Variants in PIK3CA observed in about 807,000 individuals in gnomAD.
The protein encoded by PIK3CA is phosphatidylinositol 4,5-bisphosphate 3-kinase catalytic subunit alpha isoform.
A neutral mutation model predicts 138.2 loss-of-function variants in PIK3CA; 27 were observed. That is an observed-to-expected ratio of 0.20 (90% CI 0.14 to 0.27). PIK3CA has a LOEUF of 0.27. Ranked by LOEUF, PIK3CA falls within the 10% of genes least tolerant of loss-of-function variation. PIK3CA has a pLI of 1.00. For missense variants in PIK3CA, 544 were observed against 1,277.4 expected, an observed-to-expected ratio of 0.43 and a Z score of 8.75; for synonymous variants, 358 against 413.2, an observed-to-expected ratio of 0.87 and a Z score of 1.62.
chr3:179,233,644 A>G (rs980560049), intron 20 of PIK3CA, among the ~76,000 whole-genome samples: 17 of 152,296 alleles, frequency 1.1e-4, no homozygotes, highest in Non-Finnish European at 1.9e-4. Context: ...CTTTGAGGAA[A>G]GTCAGTCAAC....
chr3:179,158,128 G>A (rs1383713898), intron 1 of PIK3CA, among the ~76,000 whole-genome samples: 2 of 152,080 alleles, frequency 1.3e-5, no homozygotes, highest in Non-Finnish European at 2.9e-5. Context: ...CCGATTTCTG[G>A]ATAGTGGGCA....
At chr3:179,171,162 T>C (rs1024023053) in intron 1 of PIK3CA, among the ~76,000 whole-genome samples, 1 of 152,110 alleles carries the variant, frequency 6.6e-6, no homozygotes, top group Non-Finnish European at 1.5e-5. Context: ...AATCCCCAAA[T>C]ATGTGCAAAT....
intron 1 of PIK3CA, among the ~76,000 whole-genome samples, chr3:179,151,425 T>C (rs1037522755): frequency 6.6e-6 from 1 of 152,178 alleles, no homozygotes; most frequent in Non-Finnish European, 1.5e-5. Context: ...ATATTTGCAG[T>C]AATATCTTTA....
chr3:179,149,167 C>G (rs1045009636), intron 1 of PIK3CA, among the ~76,000 whole-genome samples: 1 of 152,230 alleles, frequency 6.6e-6, no homozygotes, highest in Non-Finnish European at 1.5e-5. Context: ...CGCCAGCTCC[C>G]CTCCCACCCT....
chr3:179,228,471 G>T (rs1466694236), intron 17 of PIK3CA, among the ~76,000 whole-genome samples: 1 of 151,886 alleles, frequency 6.6e-6, no homozygotes, highest in African/African-American at 2.4e-5. Context: ...TATCTTGTCA[G>T]GTTTTAGAAT....
At chr3:179,213,037 C>T (rs1724755121) in intron 9 of PIK3CA, among the ~76,000 whole-genome samples, 1 of 152,014 alleles carries the variant, frequency 6.6e-6, no homozygotes, top group African/African-American at 2.4e-5. Context: ...CAAGGGTCAG[C>T]TGTATAAATC....
intron 1 of PIK3CA, among the ~76,000 whole-genome samples, chr3:179,180,511 G>A (rs192492161): frequency 7.0e-4 from 107 of 152,118 alleles, no homozygotes; most frequent in Middle Eastern, 3.4e-3. Flanking sequence ...GATCAGTCCT[G>A]CATATGAGAA....
intron 9 of PIK3CA, among the ~76,000 whole-genome samples, chr3:179,216,712 A>G (rs1185671368): frequency 2.6e-5 from 4 of 152,304 alleles, no homozygotes; most frequent in East Asian, 1.9e-4. Flanking sequence ...GAAAATGTAG[A>G]TAAGAATTTG....
intron 1 of PIK3CA, among the ~76,000 whole-genome samples, chr3:179,191,310 C>T (rs1376232878): frequency 1.3e-5 from 2 of 152,152 alleles, no homozygotes; most frequent in African/African-American, 4.8e-5. Context: ...AGCCACAAAA[C>T]TATTTTTTTC....
At chr3:179,161,717 A>G (rs977706985) in intron 1 of PIK3CA, among the ~76,000 whole-genome samples, 1 of 152,154 alleles carries the variant, frequency 6.6e-6, no homozygotes, top group Non-Finnish European at 1.5e-5. Context: ...AATAATAAAG[A>G]GATAACAGAA....
At chr3:179,169,023 GTTTA>G (rs1436664063) in intron 1 of PIK3CA, 1 of 151,674 alleles carries the variant, frequency 6.6e-6, no homozygotes, top group Non-Finnish European at 1.5e-5. Flanking sequence ...CTTTTGAGAT[GTTTA>G]TTTATTTTCC....
At chr3:179,193,311 G>C (rs1298908713) in intron 1 of PIK3CA, among the ~76,000 whole-genome samples, 2 of 152,214 alleles carry the variant, frequency 1.3e-5, no homozygotes, top group Admixed American at 6.5e-5. Context: ...AGAGCCTCTT[G>C]TATTATCTTT....
intron 6 of PIK3CA, among the ~76,000 whole-genome samples, chr3:179,206,685 C>T (rs1724569710): frequency 1.3e-5 from 2 of 152,212 alleles, no homozygotes; most frequent in East Asian, 1.9e-4. Context: ...GAAGCCAAGG[C>T]AGATGGATCA....
At chr3:179,170,505 C>A (rs1471268304) in intron 1 of PIK3CA, among the ~76,000 whole-genome samples, 3 of 152,134 alleles carry the variant, frequency 2.0e-5, no homozygotes, top group African/African-American at 7.2e-5. Flanking sequence ...TTTTAAATAT[C>A]TTCTGAACCT....
At position 179,156,535 on chromosome 3, in the gene PIK3CA, T is replaced by C. The variant is rs947906722; in HGVS notation, c.-77+7932T>C. On this transcript the variant is annotated intron_variant, in intron 1 of 20. Transcript: ENST00000263967. ...TCTTAGAAACATAAATCTGTAGGCA[T>C]GGTAAGCCTCTTTTTTCTAGGTCTA... 2.6e-5 allele frequency among the ~76,000 whole-genome samples: 4 copies of C among 152,322 alleles called. 1 individual carries two copies. Among genetic ancestry groups the C allele is most frequent in the African/African-American group, 7.2e-5 (3 of 41,582 alleles).
intron 1 of PIK3CA, among the ~76,000 whole-genome samples, chr3:179,169,953 G>A (rs1311733249): frequency 6.6e-6 from 1 of 152,150 alleles, no homozygotes; most frequent in East Asian, 1.9e-4. Flanking sequence ...GAAATACAAA[G>A]GTCATTTTAA....
Position 179,236,644 on chromosome 3 carries a change from C to T in PIK3CA, c.*2280C>T, listed in dbSNP as rs2108432193. 4.4e-6 allele frequency: 1 copy of T among 227,422 alleles called. No individual in the cohort carries two copies. The highest frequency in any genetic ancestry group is 6.4e-5 in the East Asian group (1 of 15,724). 14.1% of individuals were successfully genotyped at this position (227,422 alleles called of 1,614,324 possible). A position where few individuals can be genotyped will look rare whatever the true frequency, so the allele number is the denominator to read the frequency against. ...ATCAGTCCAGATAGTTGTCTCCCCTCCTTCTCCCAGGACCTCTCCACCATT... is the reference window on the plus strand; with the variant it reads ...ATCAGTCCAGATAGTTGTCTCCCCTTCTTCTCCCAGGACCTCTCCACCATT... On this transcript the variant is annotated 3_prime_UTR_variant, in exon 21 of 21. Transcript: ENST00000263967.
intron 1 of PIK3CA, among the ~76,000 whole-genome samples, chr3:179,184,101 C>T (rs1366569786): frequency 6.6e-6 from 1 of 152,200 alleles, no homozygotes; most frequent in Non-Finnish European, 1.5e-5. Flanking sequence ...AATTGATAGA[C>T]ACATTCAAGA....
chr3:179,228,393 T>C (rs1725132500), intron 17 of PIK3CA, among the ~76,000 whole-genome samples: 1 of 152,034 alleles, frequency 6.6e-6, no homozygotes. Flanking sequence ...ACAAATTGAT[T>C]TTAATGTAAC....
Sources: allele counts gnomAD v4.1 joint callset (sites outside exome capture counted in the v4.1 genomes callset), GRCh38; gene constraint gnomAD v4.1.1; transcripts MANE v1.5; gene names NCBI Gene and HGNC (gene_info 2026-07-23, HGNC 2026-07-21).